Variants in GMEB1 observed in about 807,000 individuals in gnomAD.
GMEB1 encodes glucocorticoid modulatory element binding protein 1.
A neutral mutation model predicts 52.4 loss-of-function variants in GMEB1; 6 were observed. That is an observed-to-expected ratio of 0.11 (90% CI 0.06 to 0.23). The LOEUF (loss-of-function observed/expected upper bound fraction) is 0.23. GMEB1 is among the 10% of genes least tolerant of loss of function. The pLI is 1.00. For missense variants in GMEB1, 486 were observed against 685.6 expected, an observed-to-expected ratio of 0.71 and a Z score of 3.25; for synonymous variants, 255 against 244.9, an observed-to-expected ratio of 1.04 and a Z score of -0.38.
chr1:28,671,083 T>G (rs1166208129), intron 1 of GMEB1, among the ~76,000 whole-genome samples: 1 of 152,178 alleles, frequency 6.6e-6, no homozygotes, highest in Non-Finnish European at 1.5e-5. Flanking sequence ...GATACTTCCC[T>G]CAGTGTTTCT....
chr1:28,685,461 C>T (rs908457022), intron 2 of GMEB1, among the ~76,000 whole-genome samples: 2 of 151,304 alleles, frequency 1.3e-5, no homozygotes, highest in African/African-American at 4.9e-5. Flanking sequence ...GACTCTGTCT[C>T]AAAAAAGAAA....
intron 1 of GMEB1, among the ~76,000 whole-genome samples, chr1:28,674,751 C>G (rs1328586281): frequency 9.5e-6 from 1 of 105,752 alleles, no homozygotes; most frequent in Non-Finnish European, 1.7e-5. Context: ...CGGAGTCTCG[C>G]TCTGTCGCCC....
chr1:28,674,486 C>T (rs921531253), intron 1 of GMEB1, among the ~76,000 whole-genome samples: 11 of 152,050 alleles, frequency 7.2e-5, no homozygotes, highest in African/African-American at 2.7e-4. Flanking sequence ...CCTCCGCCTC[C>T]TGGGCTCAAG....
At chr1:28,672,197 T>A (rs1668919382) in intron 1 of GMEB1, among the ~76,000 whole-genome samples, 1 of 136,038 alleles carries the variant, frequency 7.4e-6, no homozygotes, top group African/African-American at 2.8e-5. Context: ...TAACTTTTAT[T>A]TTTATTTATT....
In GMEB1 at chr1:28,716,550, T is replaced by C. The variant is rs1671278634; in HGVS notation, c.*1777T>C. On this transcript the variant is annotated 3_prime_UTR_variant, in exon 10 of 10. Coordinates refer to ENST00000373816, the MANE Select transcript of GMEB1 (RefSeq NM_001319674.2). ...CTTCGTCCCCTTTTAGATTCATTTATACCACAGATGTTTCTGTGAGATACT... is the reference window on the plus strand; with the variant it reads ...CTTCGTCCCCTTTTAGATTCATTTACACCACAGATGTTTCTGTGAGATACT... The C allele has an allele frequency of 6.6e-6, 1 of 152,152 alleles. No homozygotes were observed. The highest frequency in any genetic ancestry group is 1.5e-5 in the Non-Finnish European group (1 of 68,040). 9.4% of individuals were successfully genotyped at this position (152,152 alleles called of 1,614,324 possible).
intron 8 of GMEB1, among the ~76,000 whole-genome samples, chr1:28,706,983 T>TG (rs1357784430): frequency 1.6e-5 from 2 of 124,616 alleles, no homozygotes; most frequent in African/African-American, 3.2e-5. Context: ...TTTGGTTTTT[T>TG]TTTTTTTTTT....
chr1:28,695,031 C>T (rs1670136252), intron 5 of GMEB1, among the ~76,000 whole-genome samples: 1 of 140,770 alleles, frequency 7.1e-6, no homozygotes, highest in East Asian at 2.1e-4. Flanking sequence ...GTGGCATGAT[C>T]TTGGCTCACT....
At chr1:28,670,263 C>T (rs924414532) in intron 1 of GMEB1, among the ~76,000 whole-genome samples, 15 of 152,156 alleles carry the variant, frequency 9.9e-5, no homozygotes, top group Admixed American at 2.0e-4. Context: ...AACGATTCTC[C>T]TGCCTCAGCC....
intron 1 of GMEB1, among the ~76,000 whole-genome samples, chr1:28,675,565 T>C (rs1349174639): frequency 2.0e-5 from 3 of 151,134 alleles, no homozygotes; most frequent in African/African-American, 7.3e-5. Flanking sequence ...TCATCCCAGC[T>C]GCTACTCGGA....
At chr1:28,693,115 T>G (rs1041988211) in intron 5 of GMEB1, 70 bp downstream of exon 5, 4 of 659,746 alleles carry the variant, frequency 6.1e-6, no homozygotes, top group African/African-American at 1.9e-5. Flanking sequence ...GAATCTGGGC[T>G]TTTCTCTTTA....
At chr1:28,713,035 G>A (rs562012026) in intron 9 of GMEB1, among the ~76,000 whole-genome samples, 17 of 151,312 alleles carry the variant, frequency 1.1e-4, no homozygotes, top group South Asian at 2.1e-4. Context: ...GCGGGCGCCT[G>A]TAGTCCCAGC....
At chr1:28,688,238 G>C (rs935105343) in intron 2 of GMEB1, among the ~76,000 whole-genome samples, 1 of 152,170 alleles carries the variant, frequency 6.6e-6, no homozygotes, top group African/African-American at 2.4e-5. Context: ...AGCCAAGATC[G>C]CGCCATTGCA....
chr1:28,677,702 C>T (rs1669220921), intron 1 of GMEB1, among the ~76,000 whole-genome samples: 1 of 152,094 alleles, frequency 6.6e-6, no homozygotes, highest in South Asian at 2.1e-4. Context: ...TTTATGGGTT[C>T]AGTTATTCTA....
chr1:28,683,986 A>G (rs1669513242), intron 2 of GMEB1, among the ~76,000 whole-genome samples: 2 of 151,986 alleles, frequency 1.3e-5, no homozygotes, highest in African/African-American at 4.8e-5. Flanking sequence ...GGTAAGTTGC[A>G]TGGCTCCCTC....
At chr1:28,702,160 T>TA (rs1670547540) in intron 6 of GMEB1, among the ~76,000 whole-genome samples, 1 of 152,144 alleles carries the variant, frequency 6.6e-6, no homozygotes, top group Non-Finnish European at 1.5e-5. Context: ...AAAACATACC[T>TA]ACCTAGGAAA....
chr1:28,677,837 C>CTTATT (rs1669224853), intron 1 of GMEB1, among the ~76,000 whole-genome samples: 1 of 151,864 alleles, frequency 6.6e-6, no homozygotes, highest in African/African-American at 2.4e-5. Flanking sequence ...TTTATTTTAT[C>CTTATT]TTATTTTATT....
rs537415042 is a variant in GMEB1, at chr1:28,709,469, G to A, written c.869-1051G>A. Among the ~76,000 whole-genome samples, 5 of 152,158 alleles carry A rather than the reference G, an allele frequency of 3.3e-5. No individual in the cohort carries two copies. The South Asian group carries it at 6.2e-4, about 19-fold the overall frequency. ...AGAGTGAAATGACTTACCAAAGGTT[G>A]CACATATGGGAAATAGCAAAACTGA... On this transcript the variant is annotated intron_variant, in intron 8 of 9. Coordinates refer to ENST00000373816, the MANE Select transcript of GMEB1 (RefSeq NM_001319674.2).
At chr1:28,693,117 T>A (rs1467585142) in intron 5 of GMEB1, 72 bp downstream of exon 5, 2 of 638,374 alleles carry the variant, frequency 3.1e-6, no homozygotes. Context: ...ATCTGGGCTT[T>A]TCTCTTTAGG....
Position 28,671,943 on chromosome 1 carries a change from C to T in GMEB1, c.-31+3104C>T, listed in dbSNP as rs914707291. 8.0e-5 allele frequency among the ~76,000 whole-genome samples: 12 copies of T among 150,856 alleles called. 2 individuals carry two copies. Among genetic ancestry groups the T allele is most frequent in the African/African-American group, 2.9e-4 (12 of 41,278 alleles). On this transcript the variant is annotated intron_variant, in intron 1 of 9. Coordinates refer to ENST00000373816, the MANE Select transcript of GMEB1 (RefSeq NM_001319674.2). ...ACCCACCTGGCCAACATGGTGAAAC[C>T]CTGTCTCTACTAAAAAATACAAAAA... is the stretch of plus-strand genomic sequence containing the variant.
Sources: allele counts gnomAD v4.1 joint callset (sites outside exome capture counted in the v4.1 genomes callset), GRCh38; gene constraint gnomAD v4.1.1; transcripts MANE v1.5; gene names NCBI Gene and HGNC (gene_info 2026-07-23, HGNC 2026-07-21).